Variants in INTS2 observed in about 807,000 individuals in gnomAD.
The protein encoded by INTS2 is KIAA1287.
In INTS2, 57 loss-of-function variants were observed where a neutral mutation model predicts 139.6. The observed-to-expected ratio is 0.41, with a 90% CI of 0.33 to 0.51. The LOEUF (loss-of-function observed/expected upper bound fraction) is 0.51. Ranked by LOEUF, INTS2 falls within the 20% of genes least tolerant of loss-of-function variation. INTS2 has a pLI of 0.28. For synonymous variants in INTS2, 473 were observed against 493.4 expected (o/e 0.96, Z 0.55); for missense variants, 1,196 against 1,436.7 (o/e 0.83, Z 2.71).
Position 61,909,509 on chromosome 17 carries a change from T to G in INTS2, c.955-1875A>C, listed in dbSNP as rs1441735939. Among the ~76,000 whole-genome samples, 1 of 152,162 alleles carries G rather than the reference T, an allele frequency of 6.6e-6. No individual in the cohort carries two copies. Among genetic ancestry groups the G allele is most frequent in the African/African-American group, 2.4e-5 (1 of 41,440 alleles). ...GCTGTTGGTGTAGTCATCACCCTGA[T>G]AGTATACCCTGTACCCAATATAGGT... On this transcript the variant is annotated intron_variant, in intron 7 of 24. Transcript: ENST00000251334. The surrounding 1 kb of genome is among the most constrained non-coding windows in gnomAD (Gnocchi z 4.9).
intron 1 of INTS2, 101 bp from the exon 2 acceptor site, chr17:61,926,763 T>C (rs1254839649): frequency 8.9e-6 from 8 of 894,836 alleles, no homozygotes; most frequent in Non-Finnish European, 1.4e-5. Context: ...CTTTAATAGG[T>C]CCCTATGTTG....
Position 61,869,612 on chromosome 17 carries a change from T to C in INTS2, c.3030+125A>G. On this transcript the variant is annotated intron_variant, in intron 21 of 24. Coordinates refer to ENST00000251334, the MANE Select transcript of INTS2 (RefSeq NM_001351695.2). The surrounding 1 kb of genome is among the most constrained non-coding windows in gnomAD (Gnocchi z 5.4). ...AACTAAAAATCTGGATTTTTCTCCA[T>C]ATTGCAAAAGCCCATGGATCATTTG... The C allele has an allele frequency of 5.1e-6, 6 of 1,185,034 alleles. No homozygotes were observed. Among genetic ancestry groups the C allele is most frequent in the East Asian group, 2.4e-5 (1 of 42,350 alleles). 73.4% of individuals were successfully genotyped at this position (1,185,034 alleles called of 1,614,324 possible).
intron 5 of INTS2, among the ~76,000 whole-genome samples, chr17:61,914,626 A>T (rs1226537867): frequency 2.0e-5 from 3 of 150,742 alleles, no homozygotes; most frequent in Non-Finnish European, 4.4e-5. Flanking sequence ...TGGCGTGAAC[A>T]CAGGAGGCGG....
intron 2 of INTS2, among the ~76,000 whole-genome samples, chr17:61,925,355 T>C (rs868325159): frequency 5.6e-4 from 85 of 151,710 alleles, no homozygotes; most frequent in African/African-American, 2.0e-3. Flanking sequence ...CTGAGGCAGG[T>C]GGATCACAAG....
At position 61,897,033 on chromosome 17, in the gene INTS2, G is replaced by A. The variant is rs2079356272; in HGVS notation, c.1494+436C>T. The stretch of plus-strand genomic sequence containing the variant: ...ATACAGAAACTAGAAAATCTACATG[G>A]GAAATAATAAGGGACCTATTAAGAA... On this transcript the variant is annotated intron_variant, in intron 11 of 24. Coordinates refer to ENST00000251334, the MANE Select transcript of INTS2 (RefSeq NM_001351695.2). The surrounding 1 kb of genome is among the most constrained non-coding windows in gnomAD (Gnocchi z 4.4). Among the ~76,000 whole-genome samples, 2 of 151,808 alleles carry A rather than the reference G, an allele frequency of 1.3e-5. No individual in the cohort carries two copies. The highest frequency in any genetic ancestry group is 2.9e-5 in the Non-Finnish European group (2 of 67,948).
chr17:61,914,087 G>A (rs907609918), intron 5 of INTS2, among the ~76,000 whole-genome samples: 3 of 151,198 alleles, frequency 2.0e-5, no homozygotes, highest in African/African-American at 7.3e-5. Context: ...AAAAGACAGA[G>A]ACTGCCACTA....
rs1334370729 is a variant in INTS2 at position 61,892,859 on chromosome 17, C to T, written c.1698+906G>A. On this transcript the variant is annotated intron_variant, in intron 13 of 24. Coordinates refer to ENST00000251334, the MANE Select transcript of INTS2 (RefSeq NM_001351695.2). ...ATACCAGCTACTCAGGAGGCGGAAG[C>T]AGGGGAATCACTTGAACCCAGGAGG... Among the ~76,000 whole-genome samples the T allele has an allele frequency of 2.0e-5, 3 of 147,372 alleles. No homozygotes were observed. In the South Asian group the frequency reaches 6.4e-4, roughly 32 times the overall value.
chr17:61,880,239 G>A lies in INTS2; in HGVS notation c.2254+768C>T, dbSNP rs142686620. Among the ~76,000 whole-genome samples the A allele has an allele frequency of 1.4e-3, 216 of 151,888 alleles. 2 individuals carry two copies. The East Asian group carries it at 0.04, about 28-fold the overall frequency. ...TTTTTTGTATTTTTAGTAGAGACGG[G>A]GTTTCACTGTGTTAGGCAGGATGGT... On this transcript the variant is annotated intron_variant, in intron 17 of 24. Transcript: ENST00000251334.
At chr17:61,879,719 T>C (rs2079160914) in intron 17 of INTS2, among the ~76,000 whole-genome samples, 2 of 152,042 alleles carry the variant, frequency 1.3e-5, no homozygotes, top group South Asian at 4.1e-4. Context: ...TGTGGTGGCA[T>C]GTACCTGTAG....
Position 61,912,010 on chromosome 17 carries a change from C to A in INTS2, c.710G>T (p.Arg237Leu), listed in dbSNP as rs749391688. 6.2e-7 allele frequency: 1 copy of A among 1,613,700 alleles called. No homozygotes were observed. Among genetic ancestry groups the A allele is most frequent in the Admixed American group, 1.7e-5 (1 of 59,992 alleles). ...RQDEESLGGRRRTDALRFLCK... is the reference protein window; with the variant it reads ...RQDEESLGGRLRTDALRFLCK... ...CAAGAAGCGTAAGGCATCTGTCCTG[C>A]GCCTTCCTCCAAGACTTTCTTCATC... The change falls in exon 6 of 25, where the codon CGC (arginine) becomes CTC (leucine). Residue 237 changes from arginine (R) to leucine (L), a missense_variant. By Grantham distance (102) the Arg-to-Leu change is moderately radical. Transcript: ENST00000251334.
At chr17:61,877,789 T>C (rs987191849) in intron 18 of INTS2, 98 bp downstream of exon 18, 9 of 827,858 alleles carry the variant, frequency 1.1e-5, no homozygotes, top group Non-Finnish European at 1.6e-5. Context: ...AATACTGCTA[T>C]GAGTGGTGAA....
At chr17:61,921,156 G>A (rs990230185) in intron 4 of INTS2, 4 of 152,038 alleles carry the variant, frequency 2.6e-5, no homozygotes, top group South Asian at 2.1e-4. Context: ...AAAAAGGTAC[G>A]AAGAAGAAAA....
chr17:61,926,885 G>C (rs1381334190), intron 1 of INTS2, among the ~76,000 whole-genome samples: 2 of 152,090 alleles, frequency 1.3e-5, no homozygotes, highest in Non-Finnish European at 2.9e-5. Context: ...CCAGCCTCAG[G>C]AATCTTCTGC....
chr17:61,922,111 A>G (rs1193546433), intron 3 of INTS2, among the ~76,000 whole-genome samples: 3 of 152,174 alleles, frequency 2.0e-5, no homozygotes, highest in Non-Finnish European at 4.4e-5. Flanking sequence ...GAAATGAACT[A>G]CAAATGCAGC....
chr17:61,866,437 G>C lies in INTS2; in HGVS notation c.*1120C>G, dbSNP rs1285975844. 6.6e-6 allele frequency: 1 copy of C among 151,150 alleles called. No homozygotes were observed. The highest frequency in any genetic ancestry group is 1.5e-5 in the Non-Finnish European group (1 of 67,876). The allele number at this position is 151,150 out of a possible 1,614,324, so 9.4% of individuals were successfully genotyped here. On this transcript the variant is annotated 3_prime_UTR_variant, in exon 25 of 25. Transcript: ENST00000251334. ...AAGTGTGTGATTGAGGTATATCTCAGAGAGAAAAAAGGGAATTACTTTCTA... is the reference window on the plus strand; with the variant it reads ...AAGTGTGTGATTGAGGTATATCTCACAGAGAAAAAAGGGAATTACTTTCTA...
chr17:61,900,959 T>G (rs2079398763), intron 9 of INTS2, among the ~76,000 whole-genome samples: 3 of 151,442 alleles, frequency 2.0e-5, no homozygotes, highest in Middle Eastern at 6.9e-3. Context: ...GTCTCAAAAA[T>G]TATATTTATA....
At position 61,870,578 on chromosome 17, in the gene INTS2, G is replaced by A. The variant is rs1175431512; in HGVS notation, c.2779-590C>T. Among the ~76,000 whole-genome samples the A allele has an allele frequency of 1.3e-5, 2 of 152,014 alleles. No homozygotes were observed. Among genetic ancestry groups the A allele is most frequent in the Non-Finnish European group, 2.9e-5 (2 of 68,014 alleles). Reference sequence around the variant, plus strand: ...CTTGAGGGGTAATGGCAATATATTTGAGGCCCCTATATATAAAGGAGAGCT... The same window carrying A: ...CTTGAGGGGTAATGGCAATATATTTAAGGCCCCTATATATAAAGGAGAGCT... On this transcript the variant is annotated intron_variant, in intron 20 of 24. Coordinates refer to ENST00000251334, the MANE Select transcript of INTS2 (RefSeq NM_001351695.2). The surrounding 1 kb of genome is among the most constrained non-coding windows in gnomAD (Gnocchi z 4.4).
rs892385211 is a variant in INTS2, at chr17:61,875,273, G to A, written c.2457-235C>T. Among the ~76,000 whole-genome samples the A allele has an allele frequency of 6.6e-6, 1 of 152,038 alleles. No homozygotes were observed. The highest frequency in any genetic ancestry group is 6.6e-5 in the Admixed American group (1 of 15,256). On this transcript the variant is annotated intron_variant, in intron 18 of 24. Coordinates refer to ENST00000251334, the MANE Select transcript of INTS2 (RefSeq NM_001351695.2). The surrounding 1 kb of genome is among the most constrained non-coding windows in gnomAD (Gnocchi z 4.6). ...TTCAGAAACGTTCACAGTTGTAATG[G>A]AATAATCATGGCATATAAAATTAAA... is the stretch of plus-strand genomic sequence containing the variant.
chr17:61,923,499 A>C (rs1161182214), intron 3 of INTS2, among the ~76,000 whole-genome samples: 1 of 151,214 alleles, frequency 6.6e-6, no homozygotes, highest in Admixed American at 6.6e-5. Flanking sequence ...AAAAAAAAAA[A>C]AAACTATCTA....
Sources: gnomAD v4.1 joint callset for allele counts (sites outside exome capture counted in the v4.1 genomes callset) on GRCh38, gnomAD v4.1.1 for gene constraint, Gnocchi (gnomAD v3.1) non-coding constraint, MANE v1.5 for transcripts, NCBI Gene and HGNC (gene_info 2026-07-23, HGNC 2026-07-21) for gene names.